PKP4: variants seen among roughly 807,000 people sequenced by gnomAD.
PKP4 encodes plakophilin 4, also known as plakophilin-4.
Under a neutral mutation model 145.1 loss-of-function variants are expected in PKP4, and 90 were observed. The observed-to-expected ratio is 0.62, with a 90% CI of 0.52 to 0.74. The LOEUF (loss-of-function observed/expected upper bound fraction) is 0.74, where lower values mean the gene tolerates loss of function less well. Ranked by LOEUF, PKP4 falls within the 30% of genes least tolerant of loss-of-function variation. The pLI, the probability that PKP4 is intolerant of heterozygous loss-of-function variation, is 0.00. For missense variants in PKP4, 1,340 were observed against 1,482.7 expected, an observed-to-expected ratio of 0.90 and a Z score of 1.58; for synonymous variants, 563 against 577.2, an observed-to-expected ratio of 0.98 and a Z score of 0.35.
intron 1 of PKP4, among the ~76,000 whole-genome samples, chr2:158,526,342 A>G (rs1195494377): frequency 7.9e-6 from 1 of 126,746 alleles, no homozygotes; most frequent in African/African-American, 3.0e-5. Context: ...ACGCAAATCA[A>G]TAAATGTAAT....
At chr2:158,654,608 G>A (rs1042130778) in intron 11 of PKP4, among the ~76,000 whole-genome samples, 7 of 152,232 alleles carry the variant, frequency 4.6e-5, no homozygotes, top group Admixed American at 6.5e-5. Flanking sequence ...TCCTATCCCC[G>A]TAACTAAGAT....
chr2:158,665,665 CTT>C (rs1211478848), intron 15 of PKP4, among the ~76,000 whole-genome samples: 4 of 152,160 alleles, frequency 2.6e-5, no homozygotes, highest in Non-Finnish European at 5.9e-5. Flanking sequence ...TAACGTTACT[CTT>C]TTTGGTTGTT....
chr2:158,491,328 C>T (rs925734506), intron 1 of PKP4, among the ~76,000 whole-genome samples: 3 of 152,134 alleles, frequency 2.0e-5, no homozygotes, highest in Non-Finnish European at 4.4e-5. Context: ...CTGAGCTGTG[C>T]GGTGCTGATA....
At chr2:158,628,308 A>G (rs1311233027) in intron 7 of PKP4, among the ~76,000 whole-genome samples, 1 of 152,184 alleles carries the variant, frequency 6.6e-6, no homozygotes, top group Non-Finnish European at 1.5e-5. Flanking sequence ...TACCAATTAT[A>G]GAACATAATT....
intron 1 of PKP4, among the ~76,000 whole-genome samples, chr2:158,528,780 G>T (rs576772480): frequency 5.9e-4 from 89 of 151,440 alleles, no homozygotes; most frequent in African/African-American, 2.0e-3. Flanking sequence ...TTGGTCACAG[G>T]TTCATCTCTG....
chr2:158,457,283 C>G lies in PKP4; in HGVS notation c.-6+65C>G, dbSNP rs551957934. 7.2e-3 allele frequency: 1,097 copies of G among 151,706 alleles called. 14 individuals carry two copies. The highest frequency in any genetic ancestry group is 0.025 in the African/African-American group (1,041 of 41,404). The allele number at this position is 151,706 out of a possible 1,614,324, so 9.4% of individuals were successfully genotyped here. A position where few individuals can be genotyped will look rare whatever the true frequency, so the allele number is the denominator to read the frequency against. On this transcript the variant is annotated intron_variant, in intron 1 of 21. Coordinates refer to ENST00000389759, the MANE Select transcript of PKP4 (RefSeq NM_003628.6). ...CCCACGAGACCCTCGGCCCTCGCCCCGAACACGCGCCAGGGCCAGGACCTG... is the reference window on the plus strand; with the variant it reads ...CCCACGAGACCCTCGGCCCTCGCCCGGAACACGCGCCAGGGCCAGGACCTG...
intron 1 of PKP4, among the ~76,000 whole-genome samples, chr2:158,472,627 A>AAG (rs1436902194): frequency 6.6e-6 from 1 of 151,572 alleles, no homozygotes; most frequent in Admixed American, 6.6e-5. Context: ...AAAAAAAAAA[A>AAG]AAAAAAGAAT....
At chr2:158,579,697 A>G (rs190119250) in intron 3 of PKP4, among the ~76,000 whole-genome samples, 56 of 152,286 alleles carry the variant, frequency 3.7e-4, no homozygotes, top group African/African-American at 1.3e-3. Flanking sequence ...GGTACACTCT[A>G]AAGCAGTTAA....
intron 1 of PKP4, among the ~76,000 whole-genome samples, chr2:158,465,600 C>T (rs1690489661): frequency 1.3e-5 from 2 of 152,134 alleles, no homozygotes; most frequent in Admixed American, 6.5e-5. Context: ...AATTTGTGTG[C>T]CTTTATAAGC....
Position 158,621,313 on chromosome 2 carries a change from C to T in PKP4, c.495C>T (p.Asn165=). 1 of 1,614,166 alleles carries T rather than the reference C, an allele frequency of 6.2e-7. No individual in the cohort carries two copies. Among genetic ancestry groups the T allele is most frequent in the South Asian group, 1.1e-5 (1 of 91,088 alleles). ...SGYQEAGSFH[N]SQNVSKADNR... ...ACCAGGAAGCAGGGAGTTTCCACAA[C>T]AGCCAGAACGTGAGCAAGGCAGACA... The change falls in exon 6 of 22, where the codon AAC becomes AAT. Residue 165 remains asparagine, a synonymous_variant. Transcript: ENST00000389759.
chr2:158,464,182 G>C (rs909214499), intron 1 of PKP4, among the ~76,000 whole-genome samples: 6 of 152,216 alleles, frequency 3.9e-5, no homozygotes, highest in Non-Finnish European at 7.3e-5. Context: ...CAGATGGTTT[G>C]ATTTGTCCTC....
intron 1 of PKP4, chr2:158,458,329 T>A (rs1177795311): frequency 6.6e-6 from 1 of 152,360 alleles, no homozygotes; most frequent in African/African-American, 2.4e-5. Flanking sequence ...TCCACTCCTC[T>A]CCTCCCATAG....
intron 1 of PKP4, among the ~76,000 whole-genome samples, chr2:158,467,865 AAAAG>A (rs1196833967): frequency 6.6e-6 from 1 of 152,152 alleles, no homozygotes; most frequent in African/African-American, 2.4e-5. Context: ...AAAAAATAAA[AAAAG>A]AATATTATAT....
chr2:158,540,996 T>G (rs891302152), intron 2 of PKP4, among the ~76,000 whole-genome samples: 3 of 152,158 alleles, frequency 2.0e-5, no homozygotes, highest in Non-Finnish European at 1.5e-5. Context: ...ATATGCAAAC[T>G]TTATGCTGTT....
intron 2 of PKP4, among the ~76,000 whole-genome samples, chr2:158,562,849 G>A (rs543794091): frequency 1.5e-4 from 23 of 152,210 alleles, no homozygotes; most frequent in Admixed American, 3.9e-4. Context: ...GTCCTCTTGC[G>A]TGTTTTATTT....
chr2:158,642,317 C>A (rs1399045680), intron 10 of PKP4, among the ~76,000 whole-genome samples, 169 bp from the exon 11 acceptor site: 3 of 152,200 alleles, frequency 2.0e-5, no homozygotes, highest in Admixed American at 6.5e-5. Flanking sequence ...AGCCACCGCA[C>A]CTGGCCTCTC....
chr2:158,620,620 T>G (rs1037750778), intron 4 of PKP4, among the ~76,000 whole-genome samples: 3 of 152,196 alleles, frequency 2.0e-5, no homozygotes, highest in Non-Finnish European at 4.4e-5. Flanking sequence ...CATTTTTAAT[T>G]GTTTGGAAGA....
At chr2:158,617,491 G>A (rs1042284295) in intron 4 of PKP4, among the ~76,000 whole-genome samples, 4 of 152,114 alleles carry the variant, frequency 2.6e-5, no homozygotes. Flanking sequence ...CATTCATCAT[G>A]AAATGGTTAT....
intron 6 of PKP4, among the ~76,000 whole-genome samples, chr2:158,622,973 T>G (rs2052398436): frequency 6.6e-6 from 1 of 152,238 alleles, no homozygotes. Flanking sequence ...CTTTTTTCTT[T>G]AAGAGTAAGT....
Sources: allele counts gnomAD v4.1 joint callset (sites outside exome capture counted in the v4.1 genomes callset), GRCh38; gene constraint gnomAD v4.1.1; transcripts MANE v1.5; gene names NCBI Gene and HGNC (gene_info 2026-07-23, HGNC 2026-07-21).